The following FAP variants were observed in gnomAD, a reference collection of about 807,000 sequenced individuals.
FAP encodes prolyl endopeptidase FAP.
A neutral mutation model predicts 126.5 loss-of-function variants in FAP; 110 were observed. That is an observed-to-expected ratio of 0.87 (90% CI 0.74 to 1.02). The LOEUF (loss-of-function observed/expected upper bound fraction) is 1.02, where lower values mean the gene tolerates loss of function less well. Among genes scored for constraint, FAP ranks in the 50% least tolerant of loss-of-function variants. The pLI, the probability that FAP is intolerant of heterozygous loss-of-function variation, is 0.00. For missense variants in FAP, 919 were observed against 909.2 expected, an observed-to-expected ratio of 1.01 and a Z score of -0.14; for synonymous variants, 334 against 297.3, an observed-to-expected ratio of 1.12 and a Z score of -1.27.
At chr2:162,205,763 T>G (rs908652757) in intron 12 of FAP, among the ~76,000 whole-genome samples, 9 of 152,192 alleles carry the variant, frequency 5.9e-5, no homozygotes, top group African/African-American at 1.9e-4. Context: ...TCCACCCGCC[T>G]TGGCCTCCCA....
chr2:162,204,781 T>C (rs1234203851), intron 12 of FAP, among the ~76,000 whole-genome samples: 1 of 152,198 alleles, frequency 6.6e-6, no homozygotes, highest in African/African-American at 2.4e-5. Flanking sequence ...AGGAAACTAA[T>C]ACAGTGCCCT....
At chr2:162,180,386 A>G (rs1285193834) in intron 21 of FAP, among the ~76,000 whole-genome samples, 1 of 152,222 alleles carries the variant, frequency 6.6e-6, no homozygotes, top group Non-Finnish European at 1.5e-5. Flanking sequence ...CCTGTGGTCC[A>G]TGGACCCAAA....
chr2:162,242,507 C>A (rs895569211), intron 2 of FAP, among the ~76,000 whole-genome samples: 3 of 152,086 alleles, frequency 2.0e-5, no homozygotes, highest in Non-Finnish European at 4.4e-5. Flanking sequence ...AAAAAAAGTC[C>A]ATAGATTCTG....
chr2:162,220,517 T>C (rs894118657), intron 6 of FAP, among the ~76,000 whole-genome samples: 14 of 152,214 alleles, frequency 9.2e-5, no homozygotes, highest in Non-Finnish European at 1.6e-4. Flanking sequence ...GAAAATAAGA[T>C]GCCATTTGAC....
chr2:162,183,349 G>A (rs775707178), intron 21 of FAP, 65 bp downstream of exon 21: 83 of 1,191,868 alleles, frequency 7.0e-5, no homozygotes, highest in Admixed American at 6.4e-4. Context: ...CCTTCTAAAC[G>A]AACACTTCAG....
intron 12 of FAP, chr2:162,209,519 T>C (rs1304429003): frequency 6.4e-6 from 1 of 156,780 alleles, no homozygotes; most frequent in Non-Finnish European, 1.4e-5. Flanking sequence ...ATTTAGTACA[T>C]GTTATATGAA....
intron 17 of FAP, among the ~76,000 whole-genome samples, chr2:162,193,171 A>G (rs1476785144): frequency 6.6e-6 from 1 of 152,346 alleles, no homozygotes; most frequent in East Asian, 1.9e-4. Context: ...AATAAGAGAC[A>G]CAGCATCTGC....
chr2:162,235,713 C>A (rs548667390), intron 2 of FAP, among the ~76,000 whole-genome samples: 1 of 152,284 alleles, frequency 6.6e-6, no homozygotes, highest in Admixed American at 6.5e-5. Context: ...GCTGCCTGAG[C>A]CAGCAGTGGC....
chr2:162,213,215 A>C (rs1020445058), intron 11 of FAP, among the ~76,000 whole-genome samples: 1 of 151,998 alleles, frequency 6.6e-6, no homozygotes, highest in African/African-American at 2.4e-5. Flanking sequence ...GTGTCTACTA[A>C]AAATAAAAAA....
At chr2:162,239,112 T>G (rs1012688611) in intron 2 of FAP, among the ~76,000 whole-genome samples, 7 of 152,224 alleles carry the variant, frequency 4.6e-5, no homozygotes, top group African/African-American at 1.7e-4. Context: ...AGTTTCCTTT[T>G]GGTTTCCTGA....
chr2:162,224,528 C>A lies in FAP; in HGVS notation c.298G>T (p.Ala100Ser), dbSNP rs758146268. 1.9e-6 allele frequency: 3 copies of A among 1,591,208 alleles called. No individual in the cohort carries two copies. Among genetic ancestry groups the A allele is most frequent in the South Asian group, 1.2e-5 (1 of 86,932 alleles). Residue 100 changes from alanine (A) to serine (S), a missense_variant, in exon 5 of 26, where the codon GCT (alanine) becomes TCT (serine). Coordinates refer to ENST00000188790, the MANE Select transcript of FAP (RefSeq NM_004460.5). ...LSNRTMKSVNASNYGLSPDRQ... is the reference protein window; with the variant it reads ...LSNRTMKSVNSSNYGLSPDRQ... Reference sequence around the variant, plus strand: ...TCAGGTGATAAGCCGTAATTTGAAGCATTCACACTTTTCTGAAATTATGAA... The same window carrying A: ...TCAGGTGATAAGCCGTAATTTGAAGAATTCACACTTTTCTGAAATTATGAA...
rs1266758623 is a variant in FAP at position 162,188,283 on chromosome 2, A to G, written c.1700T>C (p.Met567Thr). 6.2e-6 allele frequency: 10 copies of G among 1,613,372 alleles called. No homozygotes were observed. The highest frequency in any genetic ancestry group is 8.5e-6 in the Non-Finnish European group (10 of 1,179,516). ...WISYLASKEGMVIALVDGRGT... is the reference protein window; with the variant it reads ...WISYLASKEGTVIALVDGRGT... Reference sequence around the variant, plus strand: ...TCGACCATCCACCAAGGCAATGACCATCCCTTCCTTACTTGCAAGATAAGA... The same window carrying G: ...TCGACCATCCACCAAGGCAATGACCGTCCCTTCCTTACTTGCAAGATAAGA... Residue 567 changes from methionine (M) to threonine (T), a missense_variant, in exon 20 of 26, where the codon ATG (methionine) becomes ACG (threonine). Transcript: ENST00000188790.
At position 162,183,451 on chromosome 2, in the gene FAP, C is replaced by G; in HGVS notation, c.1832G>C (p.Gly611Ala). 1 of 1,609,620 alleles carries G rather than the reference C, an allele frequency of 6.2e-7. No homozygotes were observed. Among genetic ancestry groups the G allele is most frequent in the Admixed American group, 1.7e-5 (1 of 59,718 alleles). The change falls in exon 21 of 26, where the codon GGT becomes GCT. Residue 611 changes from glycine to alanine, a missense_variant. Gly to Ala is a moderately conservative substitution (Grantham distance 60). Transcript: ENST00000188790. ...GGCTATTCTTTTTTCATCAATGAAA[C>G]CCATTTCTATGAATTTTCTAAAGTA... is the stretch of plus-strand genomic sequence containing the variant. ...ITAVRKFIEMGFIDEKRIAIW... is the reference protein window; with the variant it reads ...ITAVRKFIEMAFIDEKRIAIW...
intron 14 of FAP, among the ~76,000 whole-genome samples, 180 bp from the exon 15 acceptor site, chr2:162,200,799 CA>C (rs1258859112): frequency 6.6e-6 from 1 of 152,042 alleles, no homozygotes; most frequent in Non-Finnish European, 1.5e-5. Context: ...TCCTGGCTTC[CA>C]AATCATCAGA....
At chr2:162,207,015 A>C (rs1688726493) in intron 12 of FAP, among the ~76,000 whole-genome samples, 1 of 152,180 alleles carries the variant, frequency 6.6e-6, no homozygotes, top group Non-Finnish European at 1.5e-5. Context: ...TAGCTTTTAA[A>C]ATTTATACTA....
At chr2:162,212,812 T>G (rs1175875963) in intron 11 of FAP, among the ~76,000 whole-genome samples, 1 of 152,226 alleles carries the variant, frequency 6.6e-6, no homozygotes, top group Non-Finnish European at 1.5e-5. Flanking sequence ...TTTGTATCTC[T>G]TAGATTCTAA....
Position 162,219,079 on chromosome 2 carries a change from T to C in FAP, c.591A>G (p.Pro197=), listed in dbSNP as rs779422231. The C allele has an allele frequency of 6.2e-7, 1 of 1,604,220 alleles. No homozygotes were observed. Among genetic ancestry groups the C allele is most frequent in the South Asian group, 1.1e-5 (1 of 90,508 alleles). The change falls in exon 8 of 26, where the codon CCA becomes CCG. Residue 197 remains proline (P), a synonymous_variant. Transcript: ENST00000188790. ...GRENKIFNGI[P]DWVYEEEMLA... is the part of the protein sequence containing the mutation. The stretch of plus-strand genomic sequence containing the variant: ...ACAGCTTACCTTCATAAACCCAGTC[T>C]GGGATTCCATTAAATATTTTATTTT...
chr2:162,216,569 T>A (rs1689168889), intron 9 of FAP, among the ~76,000 whole-genome samples: 3 of 152,214 alleles, frequency 2.0e-5, no homozygotes, highest in African/African-American at 7.2e-5. Context: ...AGATTTATAC[T>A]TTTCTTGTTT....
intron 16 of FAP, among the ~76,000 whole-genome samples, chr2:162,196,596 C>T (rs907534421): frequency 6.0e-5 from 9 of 151,082 alleles, no homozygotes; most frequent in African/African-American, 2.0e-4. Context: ...AGGTGTGATC[C>T]TAGTGGCCTA....
Sources: gnomAD v4.1 joint callset for allele counts (sites outside exome capture counted in the v4.1 genomes callset) on GRCh38, gnomAD v4.1.1 for gene constraint, MANE v1.5 for transcripts, NCBI Gene and HGNC (gene_info 2026-07-23, HGNC 2026-07-21) for gene names.